PCDHGA7: variants seen among roughly 807,000 people sequenced by gnomAD.
PCDHGA7 encodes protocadherin gamma-A7.
Under a neutral mutation model 58.3 loss-of-function variants are expected in PCDHGA7, and 44 were observed. The ratio of observed to expected loss-of-function variants is 0.75; its 90% CI spans 0.59 to 0.97. PCDHGA7 has a LOEUF of 0.97. Ranked by LOEUF, PCDHGA7 falls within the 50% of genes least tolerant of loss-of-function variation. The pLI, the probability that PCDHGA7 is intolerant of heterozygous loss-of-function variation, is 0.00. For synonymous variants in PCDHGA7, 516 were observed against 504.2 expected (o/e 1.02, Z -0.31); for missense variants, 1,266 against 1,188.7 (o/e 1.06, Z -0.96).
chr5:141,422,853 C>T (rs746989617), intron 1 of PCDHGA7: 8 of 1,614,264 alleles, frequency 5.0e-6, no homozygotes, highest in South Asian at 3.3e-5. Flanking sequence ...GGGACCCGCC[C>T]CTCAGCAGCA....
rs1308930168 is a variant in PCDHGA7, at chr5:141,489,620, A to G, written c.2425-5187A>G. 2.5e-6 allele frequency: 4 copies of G among 1,614,058 alleles called. No individual in the cohort carries two copies. Among genetic ancestry groups the G allele is most frequent in the South Asian group, 2.2e-5 (2 of 91,072 alleles). The stretch of plus-strand genomic sequence containing the variant: ...GTAGAGGTAGAGATCCTGGATCTCA[A>G]TGACAACTCTCCTAGCTTTGCCACC... On this transcript the variant is annotated intron_variant, in intron 1 of 3. Transcript: ENST00000518325. This position sits in a 1 kb window ranked among gnomAD's most constrained non-coding sequence, Gnocchi z 4.5.
chr5:141,418,990 G>A (rs1029969170), intron 1 of PCDHGA7: 1 of 1,613,784 alleles, frequency 6.2e-7, no homozygotes, highest in African/African-American at 1.3e-5. Flanking sequence ...AAGACTCAGG[G>A]GAAAATGGGG....
At chr5:141,448,523 A>G (rs2098593853) in intron 1 of PCDHGA7, among the ~76,000 whole-genome samples, 1 of 152,166 alleles carries the variant, frequency 6.6e-6, no homozygotes, top group African/African-American at 2.4e-5. Context: ...TTTATTAAGC[A>G]TCCTGTCAGC....
chr5:141,489,692 G>A lies in PCDHGA7; in HGVS notation c.2425-5115G>A. 1.9e-6 allele frequency: 3 copies of A among 1,614,128 alleles called. No individual in the cohort carries two copies. The highest frequency in any genetic ancestry group is 1.7e-6 in the Non-Finnish European group (2 of 1,179,980). On this transcript the variant is annotated intron_variant, in intron 1 of 3. Coordinates refer to ENST00000518325, the MANE Select transcript of PCDHGA7 (RefSeq NM_018920.4). The surrounding 1 kb of genome is among the most constrained non-coding windows in gnomAD (Gnocchi z 4.5). The stretch of plus-strand genomic sequence containing the variant: ...TCAGAATCAGCAGCATCTGGGGCAC[G>A]ATTCCCACTGGACAGTGCCCAGGAT...
chr5:141,432,601 G>C lies in PCDHGA7; in HGVS notation c.2424+47278G>C. The C allele has an allele frequency of 6.2e-7, 1 of 1,613,952 alleles. No homozygotes were observed. The highest frequency in any genetic ancestry group is 8.5e-7 in the Non-Finnish European group (1 of 1,179,984). On this transcript the variant is annotated intron_variant, in intron 1 of 3. Coordinates refer to ENST00000518325, the MANE Select transcript of PCDHGA7 (RefSeq NM_018920.4). The surrounding 1 kb of genome is among the most constrained non-coding windows in gnomAD (Gnocchi z 6.0). ...ACCGTCTGCTCAAGGCCAGCGAGCC[G>C]GGACTCTTCTCGGTGGGTCTGCACA...
chr5:141,444,897 G>T (rs1445334623), intron 1 of PCDHGA7, among the ~76,000 whole-genome samples: 1 of 152,274 alleles, frequency 6.6e-6, no homozygotes, highest in African/African-American at 2.4e-5. Flanking sequence ...GAATGGGATG[G>T]CATTGCATCT....
intron 3 of PCDHGA7, chr5:141,506,958 A>C (rs529190059): frequency 1.6e-3 from 239 of 152,280 alleles, no homozygotes; most frequent in African/African-American, 5.5e-3. Flanking sequence ...GAATCCTCTC[A>C]ATAGCTCTGC....
intron 1 of PCDHGA7, chr5:141,392,999 C>A: frequency 6.2e-7 from 1 of 1,613,858 alleles, no homozygotes; most frequent in Non-Finnish European, 8.5e-7. Context: ...TGGCGAAGCA[C>A]GGAGTCCGTA....
rs1452697214 is a variant in PCDHGA7, at chr5:141,476,552, G to A, written c.2425-18255G>A. ...CCAGGAAATGAAATTGGAGATTAGCGAGGCCGTGGCTCCGGGGACGCGCTT... is the reference window on the plus strand; with the variant it reads ...CCAGGAAATGAAATTGGAGATTAGCAAGGCCGTGGCTCCGGGGACGCGCTT... On this transcript the variant is annotated intron_variant, in intron 1 of 3. Transcript: ENST00000518325. The surrounding 1 kb of genome is among the most constrained non-coding windows in gnomAD (Gnocchi z 7.6). 1 of 1,614,210 alleles carries A rather than the reference G, an allele frequency of 6.2e-7. No homozygotes were observed. Among genetic ancestry groups the A allele is most frequent in the Non-Finnish European group, 8.5e-7 (1 of 1,180,032 alleles).
intron 1 of PCDHGA7, chr5:141,395,547 TG>T (rs5871772): frequency 0.053 from 9,293 of 174,278 alleles, 481 homozygotes; most frequent in Middle Eastern, 0.08. Flanking sequence ...ATTGTTTGTG[TG>T]TGTGTGTGTG....
Position 141,486,266 on chromosome 5 carries a change from C to G in PCDHGA7, c.2425-8541C>G, listed in dbSNP as rs1311684194. On this transcript the variant is annotated intron_variant, in intron 1 of 3. Transcript: ENST00000518325. The surrounding 1 kb of genome is among the most constrained non-coding windows in gnomAD (Gnocchi z 5.0). Reference sequence around the variant, plus strand: ...TGGAACCCTCCCCGAGAGTGCAGAACCTGGCACTGTGGTGGCACTTATCAG... The same window carrying G: ...TGGAACCCTCCCCGAGAGTGCAGAAGCTGGCACTGTGGTGGCACTTATCAG... 1 of 1,614,098 alleles carries G rather than the reference C, an allele frequency of 6.2e-7. No individual in the cohort carries two copies.
Position 141,489,089 on chromosome 5 carries a change from A to T in PCDHGA7, c.2425-5718A>T, listed in dbSNP as rs1214993065. The T allele has an allele frequency of 7.4e-5, 21 of 284,398 alleles. No homozygotes were observed. Among genetic ancestry groups the T allele is most frequent in the East Asian group, 1.1e-4 (2 of 17,560 alleles). The allele number at this position is 284,398 out of a possible 1,614,324, so 17.6% of individuals were successfully genotyped here. On this transcript the variant is annotated intron_variant, in intron 1 of 3. Coordinates refer to ENST00000518325, the MANE Select transcript of PCDHGA7 (RefSeq NM_018920.4). This position sits in a 1 kb window ranked among gnomAD's most constrained non-coding sequence, Gnocchi z 4.5. ...CCCTGCCCACCCCCGCCACTCGGTGACTAAGAACTGCTGCAAGCAGGCAAA... is the reference window on the plus strand; with the variant it reads ...CCCTGCCCACCCCCGCCACTCGGTGTCTAAGAACTGCTGCAAGCAGGCAAA...
chr5:141,415,740 G>GTTTTTTTTTTTTTTTTTTTT (rs57426385), intron 1 of PCDHGA7: 5 of 625,024 alleles, frequency 8.0e-6, no homozygotes, highest in African/African-American at 5.0e-5. Flanking sequence ...GTTTATTAAG[G>GTTTTTTTTTTTTTTTTTTTT]TTTTTTTTTT....
chr5:141,393,350 C>T (rs775303289), intron 1 of PCDHGA7: 25 of 1,613,840 alleles, frequency 1.5e-5, no homozygotes, highest in Non-Finnish European at 1.9e-5. Flanking sequence ...ACCACTTCTC[C>T]CTGGACGTGC....
chr5:141,400,190 T>G (rs914854634), intron 1 of PCDHGA7: 1 of 1,613,898 alleles, frequency 6.2e-7, no homozygotes, highest in Non-Finnish European at 8.5e-7. Context: ...CAGTTTTACC[T>G]AGTGGTGGCC....
Position 141,384,379 on chromosome 5 carries a change from G to A in PCDHGA7, c.1480G>A (p.Asp494Asn), listed in dbSNP as rs1780024386. The change falls in exon 1 of 4, where the codon GAC (aspartate) becomes AAC (asparagine). Residue 494 changes from aspartate (D) to asparagine (N), a missense_variant. Coordinates refer to ENST00000518325, the MANE Select transcript of PCDHGA7 (RefSeq NM_018920.4). ...CCAGATCACTTATTCCTTGGCCGAA[G>A]ACACCATCCAGGGGGCTCCAGTGTC... ...NAQITYSLAE[D>N]TIQGAPVSSY... 2 of 1,613,934 alleles carry A rather than the reference G, an allele frequency of 1.2e-6. No individual in the cohort carries two copies. The highest frequency in any genetic ancestry group is 8.5e-7 in the Non-Finnish European group (1 of 1,179,902).
chr5:141,473,655 G>A (rs2099326380), intron 1 of PCDHGA7, among the ~76,000 whole-genome samples: 1 of 152,182 alleles, frequency 6.6e-6, no homozygotes, highest in Non-Finnish European at 1.5e-5. Context: ...AACAATTTGT[G>A]TGAAGGCCCT....
intron 1 of PCDHGA7, among the ~76,000 whole-genome samples, chr5:141,465,683 A>G (rs2099107378): frequency 6.6e-6 from 1 of 152,236 alleles, no homozygotes; most frequent in African/African-American, 2.4e-5. Context: ...GCTCTTGACC[A>G]GTCTGCTTTT....
chr5:141,480,077 C>T (rs767048249), intron 1 of PCDHGA7, among the ~76,000 whole-genome samples: 2 of 152,142 alleles, frequency 1.3e-5, no homozygotes, highest in Non-Finnish European at 2.9e-5. Flanking sequence ...AAGATTCATG[C>T]ATGATATAAT....
Sources: allele counts gnomAD v4.1 joint callset (sites outside exome capture counted in the v4.1 genomes callset), GRCh38; gene constraint gnomAD v4.1.1; non-coding constraint Gnocchi (gnomAD v3.1); transcripts MANE v1.5; gene names NCBI Gene and HGNC (gene_info 2026-07-23, HGNC 2026-07-21).